Variants in WDFY2 observed in about 807,000 individuals in gnomAD.
WDFY2 encodes WD repeat and FYVE domain-containing protein 2.
WDFY2 carries 36 observed loss-of-function variants against 56.4 expected under a neutral mutation model. The observed-to-expected ratio is 0.64, with a 90% CI of 0.49 to 0.84. The LOEUF (loss-of-function observed/expected upper bound fraction) is 0.84. Ranked by LOEUF, WDFY2 falls within the 40% of genes least tolerant of loss-of-function variation. The pLI is 0.00. For synonymous variants in WDFY2, 176 were observed against 183.7 expected, an observed-to-expected ratio of 0.96 and a Z score of 0.34; for missense variants, 444 against 512.2, an observed-to-expected ratio of 0.87 and a Z score of 1.29.
rs200804906 is a variant in WDFY2 at position 51,632,342 on chromosome 13, G to GT, written c.138-28246dup. 1.6e-3 allele frequency among the ~76,000 whole-genome samples: 240 copies of GT among 150,716 alleles called. 1 individual carries two copies. The highest frequency in any genetic ancestry group is 5.5e-3 in the African/African-American group (226 of 41,070). Reference sequence around the variant, plus strand: ...TTCTAAAAAACTCATTTTGAGTTCTGTTTTTTTTCCCATTATTTATTACTT... The same window carrying GT: ...TTCTAAAAAACTCATTTTGAGTTCTGTTTTTTTTTCCCATTATTTATTACTT... On this transcript the variant is annotated intron_variant, in intron 1 of 11. Coordinates refer to ENST00000298125, the MANE Select transcript of WDFY2 (RefSeq NM_052950.4).
intron 5 of WDFY2, among the ~76,000 whole-genome samples, chr13:51,720,266 A>G (rs182722134): frequency 2.7e-4 from 41 of 152,292 alleles, no homozygotes; most frequent in Non-Finnish European, 4.4e-4. Flanking sequence ...ATTCAAAGGT[A>G]TATTTTTATG....
At position 51,630,873 on chromosome 13, in the gene WDFY2, G is replaced by T. The variant is rs1270351722; in HGVS notation, c.138-29723G>T. The stretch of plus-strand genomic sequence containing the variant: ...GGGTCACTGCAACCCCTGCCTCCTG[G>T]ATTTAAGCGATTCTCCTGCCTCAGC... On this transcript the variant is annotated intron_variant, in intron 1 of 11. Transcript: ENST00000298125. Among the ~76,000 whole-genome samples the T allele has an allele frequency of 2.0e-5, 3 of 151,064 alleles. No homozygotes were observed. In the East Asian group the frequency reaches 5.9e-4, roughly 30 times the overall value.
intron 1 of WDFY2, among the ~76,000 whole-genome samples, chr13:51,642,422 G>A (rs1011051805): frequency 2.0e-5 from 3 of 151,600 alleles, no homozygotes; most frequent in Non-Finnish European, 4.4e-5. Context: ...ACAGTAGCTG[G>A]GACTACAGGT....
At position 51,584,644 on chromosome 13, in the gene WDFY2, G is replaced by C; in HGVS notation, c.-44G>C. Reference sequence around the variant, plus strand: ...CCAGCAGTCTCCTCAGCCCGGCCCCGCGGCGCGGTTGGCGGCGGCGCCCCA... The same window carrying C: ...CCAGCAGTCTCCTCAGCCCGGCCCCCCGGCGCGGTTGGCGGCGGCGCCCCA... On this transcript the variant is annotated 5_prime_UTR_variant, in exon 1 of 12. Transcript: ENST00000298125. The C allele has an allele frequency of 6.3e-7, 1 of 1,586,818 alleles. No individual in the cohort carries two copies. Among genetic ancestry groups the C allele is most frequent in the Non-Finnish European group, 8.6e-7 (1 of 1,169,572 alleles).
intron 3 of WDFY2, among the ~76,000 whole-genome samples, chr13:51,697,848 TAC>T (rs551619208): frequency 6.6e-6 from 1 of 152,216 alleles, no homozygotes; most frequent in Non-Finnish European, 1.5e-5. Context: ...TTTCTGTGTA[TAC>T]ACGGGGAAAA....
chr13:51,717,591 G>A (rs193086951), intron 4 of WDFY2, among the ~76,000 whole-genome samples: 1 of 152,038 alleles, frequency 6.6e-6, no homozygotes, highest in East Asian at 1.9e-4. Flanking sequence ...GCCACTTTCT[G>A]CTTGAAATCG....
At chr13:51,719,802 G>T (rs555999902) in intron 5 of WDFY2, among the ~76,000 whole-genome samples, 1 of 152,298 alleles carries the variant, frequency 6.6e-6, no homozygotes, top group Non-Finnish European at 1.5e-5. Context: ...TTATTGAGAG[G>T]TTACCATGCC....
At chr13:51,747,819 C>T (rs913956707) in intron 7 of WDFY2, among the ~76,000 whole-genome samples, 1 of 152,362 alleles carries the variant, frequency 6.6e-6, no homozygotes, top group Non-Finnish European at 1.5e-5. Context: ...GCATGAGCCA[C>T]TGCGCCTCAC....
rs570510730 is a variant in WDFY2, at chr13:51,704,557, A to G, written c.334+907A>G. 2.0e-5 allele frequency among the ~76,000 whole-genome samples: 3 copies of G among 152,306 alleles called. No individual in the cohort carries two copies. The East Asian group carries it at 5.8e-4, about 29-fold the overall frequency. The stretch of plus-strand genomic sequence containing the variant: ...TGTTGGACCTACAGAAACTGAGTAC[A>G]ATCTCTCTTACACATGACAATCTTT... On this transcript the variant is annotated intron_variant, in intron 4 of 11. Coordinates refer to ENST00000298125, the MANE Select transcript of WDFY2 (RefSeq NM_052950.4).
chr13:51,749,104 C>T (rs1446165843), intron 7 of WDFY2, among the ~76,000 whole-genome samples: 1 of 152,108 alleles, frequency 6.6e-6, no homozygotes, highest in African/African-American at 2.4e-5. Context: ...TCATTTTTCT[C>T]ATCAAAATTT....
chr13:51,615,255 A>G (rs1408097604), intron 1 of WDFY2, among the ~76,000 whole-genome samples: 1 of 152,180 alleles, frequency 6.6e-6, no homozygotes, highest in Non-Finnish European at 1.5e-5. Context: ...TAACCCTATT[A>G]AAAAATAAAA....
intron 1 of WDFY2, among the ~76,000 whole-genome samples, chr13:51,635,158 G>A (rs1261486599): frequency 1.3e-5 from 2 of 152,028 alleles, no homozygotes; most frequent in African/African-American, 4.8e-5. Context: ...TGGCGAGGCT[G>A]GTCTTGAGCT....
chr13:51,662,435 A>T (rs940277742), intron 2 of WDFY2, among the ~76,000 whole-genome samples: 2 of 152,188 alleles, frequency 1.3e-5, no homozygotes, highest in African/African-American at 4.8e-5. Context: ...GGAGAGGCTG[A>T]CCTGGGCAAA....
intron 1 of WDFY2, among the ~76,000 whole-genome samples, chr13:51,659,696 C>T (rs900687412): frequency 1.3e-5 from 2 of 152,198 alleles, no homozygotes; most frequent in Non-Finnish European, 2.9e-5. Context: ...TGGCCTGGAA[C>T]TTCATGCACA....
At chr13:51,745,292 A>C (rs531904230) in intron 7 of WDFY2, among the ~76,000 whole-genome samples, 2 of 152,232 alleles carry the variant, frequency 1.3e-5, no homozygotes, top group Non-Finnish European at 2.9e-5. Context: ...AAATGAATAC[A>C]TGTCAAAGAT....
intron 6 of WDFY2, among the ~76,000 whole-genome samples, chr13:51,730,337 T>C (rs1952695729): frequency 1.3e-5 from 2 of 152,264 alleles, no homozygotes; most frequent in South Asian, 4.1e-4. Flanking sequence ...TCAGCAGCAT[T>C]TTACATTGTG....
chr13:51,603,603 C>G (rs1954327327), intron 1 of WDFY2, among the ~76,000 whole-genome samples: 1 of 152,102 alleles, frequency 6.6e-6, no homozygotes, highest in African/African-American at 2.4e-5. Flanking sequence ...AAATCATAGA[C>G]TTTTTCTTGG....
chr13:51,713,822 G>A (rs1478400723), intron 4 of WDFY2, among the ~76,000 whole-genome samples: 4 of 149,632 alleles, frequency 2.7e-5, no homozygotes, highest in Non-Finnish European at 4.4e-5. Flanking sequence ...ATTCCAGCCT[G>A]GGTGACAGAG....
intron 1 of WDFY2, among the ~76,000 whole-genome samples, chr13:51,647,765 T>TAAA (rs528621325): frequency 9.7e-5 from 10 of 102,712 alleles, no homozygotes; most frequent in African/African-American, 1.5e-4. Flanking sequence ...GTCTCTCTCT[T>TAAA]AAAAAAAAAA....
Sources: gnomAD v4.1 joint callset for allele counts (sites outside exome capture counted in the v4.1 genomes callset) on GRCh38, gnomAD v4.1.1 for gene constraint, MANE v1.5 for transcripts, NCBI Gene and HGNC (gene_info 2026-07-23, HGNC 2026-07-21) for gene names.